SEMA3C: variants seen among roughly 807,000 people sequenced by gnomAD.
SEMA3C encodes semaphorin 3C, also known as semaphorin-3C.
Under a neutral mutation model 89.4 loss-of-function variants are expected in SEMA3C, and 47 were observed. That is an observed-to-expected ratio of 0.53 (90% CI 0.42 to 0.67). SEMA3C has a LOEUF of 0.67. Ranked by LOEUF, SEMA3C falls within the 30% of genes least tolerant of loss-of-function variation. The pLI is 0.00. For synonymous variants in SEMA3C, 310 were observed against 320.2 expected (o/e 0.97, Z 0.34); for missense variants, 839 against 929.1 (o/e 0.90, Z 1.26).
chr7:80,782,450 G>T (rs1788712257), intron 12 of SEMA3C, among the ~76,000 whole-genome samples: 1 of 152,126 alleles, frequency 6.6e-6, no homozygotes, highest in African/African-American at 2.4e-5. Context: ...GATATATGTG[G>T]ATGAAACATT....
Position 80,818,425 on chromosome 7 carries a change from G to T in SEMA3C, c.328-7C>A. On this transcript the variant is annotated splice_region_variant and splice_polypyrimidine_tract_variant and intron_variant, in intron 4 of 17. Transcript: ENST00000265361. The stretch of plus-strand genomic sequence containing the variant: ...CAAAGTTCCCACAGCCGTGCTAAAA[G>T]AATCAGTAAATAAGCAGTTAGTAAC... The T allele has an allele frequency of 6.2e-7, 1 of 1,611,222 alleles. No individual in the cohort carries two copies. The highest frequency in any genetic ancestry group is 8.5e-7 in the Non-Finnish European group (1 of 1,177,802).
At chr7:80,825,948 A>AT (rs1052940293) in intron 4 of SEMA3C, among the ~76,000 whole-genome samples, 38 of 151,794 alleles carry the variant, frequency 2.5e-4, no homozygotes, top group Non-Finnish European at 2.5e-4. Context: ...ATTTTTCTGG[A>AT]TTTTTTCCCC....
chr7:80,887,287 T>A (rs2116130417), intron 2 of SEMA3C, among the ~76,000 whole-genome samples: 1 of 152,300 alleles, frequency 6.6e-6, no homozygotes, highest in East Asian at 1.9e-4. Flanking sequence ...TAATTCAATT[T>A]GGTATAACAG....
intron 2 of SEMA3C, among the ~76,000 whole-genome samples, chr7:80,833,495 C>T (rs1222159431): frequency 1.3e-5 from 2 of 151,828 alleles, no homozygotes; most frequent in Admixed American, 6.6e-5. Context: ...AAAAGAAAAT[C>T]GTCAATCTAT....
At chr7:80,870,694 T>C (rs1480873867) in intron 2 of SEMA3C, among the ~76,000 whole-genome samples, 1 of 152,214 alleles carries the variant, frequency 6.6e-6, no homozygotes, top group African/African-American at 2.4e-5. Flanking sequence ...ATGCAGCTTA[T>C]ATAACATTGA....
chr7:80,788,274 C>T (rs898795743), intron 12 of SEMA3C, among the ~76,000 whole-genome samples: 4 of 152,042 alleles, frequency 2.6e-5, no homozygotes, highest in South Asian at 2.1e-4. Flanking sequence ...TACAACAAGA[C>T]GTTATTGTAA....
upstream of SEMA3C, among the ~76,000 whole-genome samples, chr7:80,920,332 C>T (rs1465849910): frequency 6.6e-6 from 1 of 152,188 alleles, no homozygotes; most frequent in Non-Finnish European, 1.5e-5. Context: ...AGATGTCACT[C>T]TACAGAAGGA....
At chr7:80,778,187 A>C (rs1269055626) in intron 12 of SEMA3C, among the ~76,000 whole-genome samples, 1 of 152,236 alleles carries the variant, frequency 6.6e-6, no homozygotes, top group East Asian at 1.9e-4. Context: ...AATCACTAAA[A>C]TTAATGTTTT....
In SEMA3C at chr7:80,743,980, T is replaced by C. The variant is rs1280189666; in HGVS notation, c.*914A>G. On this transcript the variant is annotated 3_prime_UTR_variant, in exon 18 of 18. Transcript: ENST00000265361. ...TCTTAAAAAATTAGTAGTTTCTACTTTGATTTTTCTTTTTGATGATTTCAC... is the reference window on the plus strand; with the variant it reads ...TCTTAAAAAATTAGTAGTTTCTACTCTGATTTTTCTTTTTGATGATTTCAC... The C allele has an allele frequency of 1.3e-5, 2 of 152,034 alleles. No homozygotes were observed. Among genetic ancestry groups the C allele is most frequent in the Admixed American group, 6.6e-5 (1 of 15,262 alleles). 9.4% of individuals were successfully genotyped at this position (152,034 alleles called of 1,614,324 possible).
chr7:80,848,638 T>G (rs1790443207), intron 2 of SEMA3C, among the ~76,000 whole-genome samples: 1 of 152,162 alleles, frequency 6.6e-6, no homozygotes, highest in Non-Finnish European at 1.5e-5. Context: ...TTTTTGATGT[T>G]TTTATTCTTC....
chr7:80,853,452 T>A (rs1790563576), intron 2 of SEMA3C, among the ~76,000 whole-genome samples: 1 of 152,228 alleles, frequency 6.6e-6, no homozygotes, highest in African/African-American at 2.4e-5. Context: ...AAGAATGCGA[T>A]CCTGTCATTT....
Position 80,789,516 on chromosome 7 carries a change from C to G in SEMA3C, c.1144G>C (p.Ala382Pro). Residue 382 changes from alanine to proline, a missense_variant, in exon 12 of 18, where the codon GCA becomes CCA. Transcript: ENST00000265361. ...GTGGTTCGCATATTGGGTGTAAATG[C>G]TCCTCCTGGACACTAGAAAGAAAGT... The part of the protein sequence containing the change: ...YPRPGTCPGG[A>P]FTPNMRTTKE... The G allele has an allele frequency of 6.2e-7, 1 of 1,610,082 alleles. No homozygotes were observed.
At chr7:80,839,370 G>A (rs1433476075) in intron 2 of SEMA3C, among the ~76,000 whole-genome samples, 1 of 152,096 alleles carries the variant, frequency 6.6e-6, no homozygotes, top group Non-Finnish European at 1.5e-5. Flanking sequence ...GAGGCAAGGT[G>A]TTCAAGAACA....
At chr7:80,794,602 A>G (rs1007199165) in intron 11 of SEMA3C, among the ~76,000 whole-genome samples, 3 of 152,114 alleles carry the variant, frequency 2.0e-5, no homozygotes, top group Non-Finnish European at 4.4e-5. Flanking sequence ...CATGTACCCG[A>G]CCTGTCCAAG....
chr7:80,894,444 A>AT (rs988809963), intron 2 of SEMA3C, among the ~76,000 whole-genome samples: 7 of 152,046 alleles, frequency 4.6e-5, no homozygotes, highest in African/African-American at 7.2e-5. Flanking sequence ...TATTACAAGA[A>AT]TTTTTTTTAA....
At chr7:80,821,476 G>A (rs1441960241) in intron 4 of SEMA3C, among the ~76,000 whole-genome samples, 3 of 152,110 alleles carry the variant, frequency 2.0e-5, no homozygotes, top group African/African-American at 7.2e-5. Flanking sequence ...CTGGAGTGCA[G>A]TGGTGCGATC....
Position 80,818,331 on chromosome 7 carries a change from AGACAG to A in SEMA3C, c.410_414del (p.Pro137LeufsTer18), listed in dbSNP as rs1264800639. The A allele has an allele frequency of 3.7e-6, 6 of 1,613,486 alleles. No homozygotes were observed. The highest frequency in any genetic ancestry group is 5.1e-6 in the Non-Finnish European group (6 of 1,179,482). ...CTCCTCCCTCTGTTCAAGTAAGTAC[AGACAG>A]GACTGAAAGCGCCACTCCCACAGAC... On this transcript the variant is annotated frameshift_variant, in exon 5 of 18. Transcript: ENST00000265361. LOFTEE classifies it high-confidence loss of function.
At chr7:80,836,915 T>G (rs764768955) in intron 2 of SEMA3C, among the ~76,000 whole-genome samples, 20 of 152,156 alleles carry the variant, frequency 1.3e-4, no homozygotes, top group Non-Finnish European at 2.2e-4. Flanking sequence ...GGAAGTTAAA[T>G]TATATGGCTG....
chr7:80,777,087 T>C (rs749750559), intron 12 of SEMA3C, among the ~76,000 whole-genome samples: 1 of 152,162 alleles, frequency 6.6e-6, no homozygotes, highest in Non-Finnish European at 1.5e-5. Context: ...ACATATTTTA[T>C]CTCATTTGGT....
Sources: allele counts gnomAD v4.1 joint callset (sites outside exome capture counted in the v4.1 genomes callset), GRCh38; gene constraint gnomAD v4.1.1; transcripts MANE v1.5; gene names NCBI Gene and HGNC (gene_info 2026-07-23, HGNC 2026-07-21).